The following EPOR variants were observed in gnomAD, a reference collection of about 807,000 sequenced individuals.
EPOR encodes erythropoietin receptor.
Under a neutral mutation model 34.3 loss-of-function variants are expected in EPOR, and 20 were observed. That is an observed-to-expected ratio of 0.58 (90% CI 0.41 to 0.85). The LOEUF is 0.85. Among genes scored for constraint, EPOR ranks in the 40% least tolerant of loss-of-function variants. The probability of loss-of-function intolerance (pLI) is 0.00; values close to 1 mark genes in which losing one functional copy is unlikely to be tolerated. For missense variants in EPOR, 601 were observed against 672.7 expected, an observed-to-expected ratio of 0.89 and a Z score of 1.18; for synonymous variants, 312 against 299.0, an observed-to-expected ratio of 1.04 and a Z score of -0.45.
rs963890458 is a variant in EPOR at position 11,383,627 on chromosome 19, GC to G, written c.116-396del. The G allele has an allele frequency of 4.3e-6, 1 of 233,950 alleles. No homozygotes were observed. The highest frequency in any genetic ancestry group is 8.4e-6 in the Non-Finnish European group (1 of 118,566). The allele number at this position is 233,950 out of a possible 1,614,324, so 14.5% of individuals were successfully genotyped here. On this transcript the variant is annotated intron_variant, in intron 1 of 7. Transcript: ENST00000222139. The surrounding 1 kb of genome is among the most constrained non-coding windows in gnomAD (Gnocchi z 4.9). ...CCCGCCAACCGATAGCGCCAACCGT[GC>G]CCCCCGCCTCCCTCCCTCCACCGGG...
intron 6 of EPOR, among the ~76,000 whole-genome samples, chr19:11,380,435 AG>A (rs1968340090): frequency 6.6e-6 from 1 of 152,252 alleles, no homozygotes; most frequent in Non-Finnish European, 1.5e-5. Flanking sequence ...TTCCAGGCAG[AG>A]GGAACAGCAT....
At chr19:11,382,457 G>T (rs1371167123) in intron 2 of EPOR, among the ~76,000 whole-genome samples, 1 of 148,168 alleles carries the variant, frequency 6.7e-6, no homozygotes, top group East Asian at 2.0e-4. Context: ...TCCGCCTCCC[G>T]GGTTCAAGCG....
At position 11,377,885 on chromosome 19, in the gene EPOR, G is replaced by T; in HGVS notation, c.*99C>A. 1 of 1,469,562 alleles carries T rather than the reference G, an allele frequency of 6.8e-7. No homozygotes were observed. The highest frequency in any genetic ancestry group is 9.5e-7 in the Non-Finnish European group (1 of 1,054,032). 91.0% of individuals were successfully genotyped at this position (1,469,562 alleles called of 1,614,324 possible). A position where few individuals can be genotyped will look rare whatever the true frequency, so the allele number is the denominator to read the frequency against. On this transcript the variant is annotated 3_prime_UTR_variant, in exon 8 of 8. Transcript: ENST00000222139. ...GGCAGACAAAATCAGCAATGCCCCT[G>T]CTCCTGAGAGAGGCCTCGCCATCCC...
In EPOR at chr19:11,378,155, T is replaced by G; in HGVS notation, c.1356A>C (p.Leu452=). ...CAGATACCACAAGGTACAGGTACTT[T>G]AGGTGGGGTGGGGTAGGGGGCAGCT... ...CPELPPTPPH[L]KYLYLVVSDS... Residue 452 remains leucine, a synonymous_variant, in exon 8 of 8, where the codon CTA becomes CTC. Transcript: ENST00000222139. The surrounding 1 kb of genome is among the most constrained non-coding windows in gnomAD (Gnocchi z 5.3). 1 of 1,613,960 alleles carries G rather than the reference T, an allele frequency of 6.2e-7. No homozygotes were observed. Among genetic ancestry groups the G allele is most frequent in the South Asian group, 1.1e-5 (1 of 91,084 alleles).
chr19:11,378,371 C>T lies in EPOR; in HGVS notation c.1140G>A (p.Pro380=), dbSNP rs763877221. The T allele has an allele frequency of 3.6e-5, 58 of 1,613,142 alleles. No individual in the cohort carries two copies. The highest frequency in any genetic ancestry group is 4.7e-5 in the Non-Finnish European group (55 of 1,180,000). ...CAGGCCCTGGGAGGTCCTCACTGGG[C>T]GGGTTCCGGGGCAGCAACCATTTGT... ...VLDKWLLPRN[P]PSEDLPGPGG... The change falls in exon 8 of 8, where the codon CCG becomes CCA. Residue 380 remains proline, a synonymous_variant. Transcript: ENST00000222139. The surrounding 1 kb of genome is among the most constrained non-coding windows in gnomAD (Gnocchi z 5.3).
At position 11,381,546 on chromosome 19, in the gene EPOR, G is replaced by T; in HGVS notation, c.585+146C>A. On this transcript the variant is annotated intron_variant, in intron 4 of 7. Coordinates refer to ENST00000222139, the MANE Select transcript of EPOR (RefSeq NM_000121.4). This position sits in a 1 kb window ranked among gnomAD's most constrained non-coding sequence, Gnocchi z 5.3. ...ATTAGGAAAGGGGGTGTGTCTGTGG[G>T]CGTGGAACGGTCTTCAGCACCAGGG... The T allele has an allele frequency of 1.2e-6, 1 of 827,674 alleles. No homozygotes were observed. Among genetic ancestry groups the T allele is most frequent in the Non-Finnish European group, 1.9e-6 (1 of 531,712 alleles). 51.3% of individuals were successfully genotyped at this position (827,674 alleles called of 1,614,324 possible).
At chr19:11,382,235 T>G in intron 2 of EPOR, 130 bp from the exon 3 acceptor site, 1 of 770,688 alleles carries the variant, frequency 1.3e-6, no homozygotes, top group Non-Finnish European at 2.1e-6. Context: ...AGGTGTTCCT[T>G]CGTCGCCCAG....
rs1968398359 is a variant in EPOR at position 11,383,786 on chromosome 19, C to G, written c.115+307G>C. 6.6e-6 allele frequency among the ~76,000 whole-genome samples: 1 copy of G among 151,680 alleles called. No homozygotes were observed. Among genetic ancestry groups the G allele is most frequent in the Non-Finnish European group, 1.5e-5 (1 of 67,828 alleles). ...GGCTTGGTCCCCACCCCCCAGGGAC[C>G]TTAGCACCAAGTCAGCCCCCTTAGG... is the stretch of plus-strand genomic sequence containing the variant. On this transcript the variant is annotated intron_variant, in intron 1 of 7. Transcript: ENST00000222139. This position sits in a 1 kb window ranked among gnomAD's most constrained non-coding sequence, Gnocchi z 4.9.
At position 11,381,332 on chromosome 19, in the gene EPOR, C is replaced by A; in HGVS notation, c.586-123G>T. ...CGGTGCCCTAGAATTGCAATGGGAC[C>A]AATAAGAGTAGGGGGAGGAGCCCAA... On this transcript the variant is annotated intron_variant, in intron 4 of 7. Transcript: ENST00000222139. The surrounding 1 kb of genome is among the most constrained non-coding windows in gnomAD (Gnocchi z 5.3). The A allele has an allele frequency of 9.3e-7, 1 of 1,078,970 alleles. No homozygotes were observed. The highest frequency in any genetic ancestry group is 1.4e-6 in the Non-Finnish European group (1 of 732,262). The allele number at this position is 1,078,970 out of a possible 1,614,324, so 66.8% of individuals were successfully genotyped here. A position where few individuals can be genotyped will look rare whatever the true frequency, so the allele number is the denominator to read the frequency against.
chr19:11,383,193 C>T lies in EPOR; in HGVS notation c.155G>A (p.Cys52Tyr). The T allele has an allele frequency of 6.2e-7, 1 of 1,609,274 alleles. No homozygotes were observed. Among genetic ancestry groups the T allele is most frequent in the Non-Finnish European group, 8.5e-7 (1 of 1,178,004 alleles). The change falls in exon 2 of 8, where the codon TGC (cysteine) becomes TAC (tyrosine). Residue 52 changes from cysteine to tyrosine, a missense_variant. Cys to Tyr is a radical substitution (Grantham distance 194). Coordinates refer to ENST00000222139, the MANE Select transcript of EPOR (RefSeq NM_000121.4). The surrounding 1 kb of genome is among the most constrained non-coding windows in gnomAD (Gnocchi z 4.9). Reference sequence around the variant, plus strand: ...CAAGTCCTCCAACCGCTCGGTGAAGCACAGAAGCTCTTCGGGCCCCCGGGC... The same window carrying T: ...CAAGTCCTCCAACCGCTCGGTGAAGTACAGAAGCTCTTCGGGCCCCCGGGC... The part of the protein sequence containing the change: ...LAARGPEELL[C>Y]FTERLEDLVC...
chr19:11,381,186 G>C lies in EPOR; in HGVS notation c.609C>G (p.Thr203=), dbSNP rs761965367. The C allele has an allele frequency of 2.1e-5, 33 of 1,550,272 alleles. No individual in the cohort carries two copies. Among genetic ancestry groups the C allele is most frequent in the South Asian group, 7.1e-5 (6 of 84,208 alleles). Reference sequence around the variant, plus strand: ...CCCGCAGGTTGCTCAGCACACACTCGGTGCGGCCCTCCAGGATCTCCACCT... The same window carrying C: ...CCCGCAGGTTGCTCAGCACACACTCCGTGCGGCCCTCCAGGATCTCCACCT... ...VQRVEILEGR[T]ECVLSNLRGR... Residue 203 remains threonine, a synonymous_variant, in exon 5 of 8, where the codon ACC becomes ACG. Transcript: ENST00000222139. This position sits in a 1 kb window ranked among gnomAD's most constrained non-coding sequence, Gnocchi z 5.3.
Position 11,377,570 on chromosome 19 carries a change from GAAAT to G in EPOR, c.*410_*413del. On this transcript the variant is annotated 3_prime_UTR_variant, in exon 8 of 8. Transcript: ENST00000222139. ...CCCATTTGAGCTGAGTTAGGAGAGA[GAAAT>G]CATTTAATGTGGTAAGCCAGTAAGA... The G allele has an allele frequency of 2.2e-6, 1 of 455,664 alleles. No individual in the cohort carries two copies. The highest frequency in any genetic ancestry group is 1.6e-5 in the South Asian group (1 of 64,492). 28.2% of individuals were successfully genotyped at this position (455,664 alleles called of 1,614,324 possible). A position where few individuals can be genotyped will look rare whatever the true frequency, so the allele number is the denominator to read the frequency against.
chr19:11,378,896 G>T lies in EPOR; in HGVS notation c.828-118C>A. The T allele has an allele frequency of 1.9e-6, 2 of 1,037,298 alleles. No individual in the cohort carries two copies. Among genetic ancestry groups the T allele is most frequent in the Non-Finnish European group, 2.9e-6 (2 of 686,256 alleles). 64.3% of individuals were successfully genotyped at this position (1,037,298 alleles called of 1,614,324 possible). On this transcript the variant is annotated intron_variant, in intron 6 of 7. Coordinates refer to ENST00000222139, the MANE Select transcript of EPOR (RefSeq NM_000121.4). The surrounding 1 kb of genome is among the most constrained non-coding windows in gnomAD (Gnocchi z 5.3). ...CTTGGTCCCTGTGATCACAATGGAG[G>T]CAGAGGAGTACATCAGGGCCAGGGG...
rs1172804859 is a variant in EPOR, at chr19:11,384,268, C to G, written c.-61G>C. 2 of 1,151,634 alleles carry G rather than the reference C, an allele frequency of 1.7e-6. No individual in the cohort carries two copies. The highest frequency in any genetic ancestry group is 2.5e-6 in the Non-Finnish European group (2 of 795,908). The allele number at this position is 1,151,634 out of a possible 1,614,324, so 71.3% of individuals were successfully genotyped here. On this transcript the variant is annotated 5_prime_UTR_variant, in exon 1 of 8. Transcript: ENST00000222139. ...GCCCCTCCGTCCCCCGCCCCCGGCA[C>G]AGTCCACAGCTGGGTCAGCAGCTGC...
At position 11,383,200 on chromosome 19, in the gene EPOR, G is replaced by A. The variant is rs1968388520; in HGVS notation, c.148C>T (p.Leu50Phe). ...TCCAACCGCTCGGTGAAGCACAGAA[G>A]CTCTTCGGGCCCCCGGGCCGCCAGC... ...ALLAARGPEE[L>F]LCFTERLEDL... Residue 50 changes from leucine to phenylalanine, a missense_variant, in exon 2 of 8, where the codon CTT becomes TTT. Coordinates refer to ENST00000222139, the MANE Select transcript of EPOR (RefSeq NM_000121.4). This position sits in a 1 kb window ranked among gnomAD's most constrained non-coding sequence, Gnocchi z 4.9. 2 of 1,607,626 alleles carry A rather than the reference G, an allele frequency of 1.2e-6. No individual in the cohort carries two copies. The highest frequency in any genetic ancestry group is 1.7e-6 in the Non-Finnish European group (2 of 1,177,408).
chr19:11,381,582 TG>T lies in EPOR; in HGVS notation c.585+109del. On this transcript the variant is annotated intron_variant, in intron 4 of 7. Coordinates refer to ENST00000222139, the MANE Select transcript of EPOR (RefSeq NM_000121.4). This position sits in a 1 kb window ranked among gnomAD's most constrained non-coding sequence, Gnocchi z 5.3. ...TCTTCAGCACCAGGGTAATGGGATG[TG>T]GGATGTTACGGACCGGCCCTGAAAG... 8.9e-7 allele frequency: 1 copy of T among 1,123,922 alleles called. No homozygotes were observed. Among genetic ancestry groups the T allele is most frequent in the Non-Finnish European group, 1.3e-6 (1 of 783,576 alleles). 69.6% of individuals were successfully genotyped at this position (1,123,922 alleles called of 1,614,324 possible).
Position 11,378,855 on chromosome 19 carries a change from T to C in EPOR, c.828-77A>G, listed in dbSNP as rs922110587. 4 of 1,394,040 alleles carry C rather than the reference T, an allele frequency of 2.9e-6. No homozygotes were observed. The South Asian group carries it at 3.5e-5, about 12-fold the overall frequency. 86.4% of individuals were successfully genotyped at this position (1,394,040 alleles called of 1,614,324 possible). ...CCAATTCCCCCTCCACTCCCAGTCA[T>C]AGAGGCACAGATACACTTGGTCCCT... On this transcript the variant is annotated intron_variant, in intron 6 of 7. Coordinates refer to ENST00000222139, the MANE Select transcript of EPOR (RefSeq NM_000121.4). This position sits in a 1 kb window ranked among gnomAD's most constrained non-coding sequence, Gnocchi z 5.3.
rs757686942 is a variant in EPOR, at chr19:11,378,313, C to T, written c.1198G>A (p.Gly400Ser). 14 of 1,613,612 alleles carry T rather than the reference C, an allele frequency of 8.7e-6. No homozygotes were observed. In the East Asian group the frequency reaches 2.2e-4, roughly 26 times the overall value. The change falls in exon 8 of 8, where the codon GGC becomes AGC. Residue 400 changes from glycine to serine, a missense_variant. By Grantham distance (56) the Gly-to-Ser change is moderately conservative. Coordinates refer to ENST00000222139, the MANE Select transcript of EPOR (RefSeq NM_000121.4). The surrounding 1 kb of genome is among the most constrained non-coding windows in gnomAD (Gnocchi z 5.3). ...GATGAGCAGGAGGATGCTTCTGAGC[C>T]TTCATCCATGGCCACTATGTCCACA... Reference protein sequence around the residue: ...GSVDIVAMDEGSEASSCSSAL... With the variant: ...GSVDIVAMDESSEASSCSSAL...
In EPOR at chr19:11,377,864, G is replaced by T; in HGVS notation, c.*120C>A. 7.8e-7 allele frequency: 1 copy of T among 1,282,382 alleles called. No homozygotes were observed. The highest frequency in any genetic ancestry group is 1.1e-6 in the Non-Finnish European group (1 of 886,070). 79.4% of individuals were successfully genotyped at this position (1,282,382 alleles called of 1,614,324 possible). On this transcript the variant is annotated 3_prime_UTR_variant, in exon 8 of 8. Coordinates refer to ENST00000222139, the MANE Select transcript of EPOR (RefSeq NM_000121.4). ...TTTCCTGAGCAGGATGGATTGGGCA[G>T]ACAAAATCAGCAATGCCCCTGCTCC... is the stretch of plus-strand genomic sequence containing the variant.
Sources: gnomAD v4.1 joint callset for allele counts (sites outside exome capture counted in the v4.1 genomes callset) on GRCh38, gnomAD v4.1.1 for gene constraint, Gnocchi (gnomAD v3.1) non-coding constraint, MANE v1.5 for transcripts, NCBI Gene and HGNC (gene_info 2026-07-23, HGNC 2026-07-21) for gene names.